The following SRGAP3 variants were observed in gnomAD, a reference collection of about 807,000 sequenced individuals.
SRGAP3 encodes the protein SLIT-ROBO Rho GTPase-activating protein 3.
In SRGAP3, 39 loss-of-function variants were observed where a neutral mutation model predicts 121.1. The ratio of observed to expected loss-of-function variants is 0.32; its 90% CI spans 0.25 to 0.42. The LOEUF (loss-of-function observed/expected upper bound fraction) is 0.42, where lower values mean the gene tolerates loss of function less well. Among genes scored for constraint, SRGAP3 ranks in the 10% least tolerant of loss-of-function variants. The pLI is 1.00. For missense variants in SRGAP3, 1,213 were observed against 1,470.6 expected, an observed-to-expected ratio of 0.82 and a Z score of 2.86; for synonymous variants, 601 against 570.0, an observed-to-expected ratio of 1.05 and a Z score of -0.77.
In SRGAP3 at chr3:9,124,852, G is replaced by C. The variant is rs751944196; in HGVS notation, c.133C>G (p.Leu45Val). The change falls in exon 2 of 22, where the codon CTG becomes GTG. Residue 45 changes from leucine to valine, a missense_variant. By Grantham distance (32) the Leu-to-Val change is conservative. Transcript: ENST00000383836. Reference protein sequence around the residue: ...LEQQSESRLQLLQDLQEFFRR... With the variant: ...LEQQSESRLQVLQDLQEFFRR... ...AAAAACTCCTGGAGGTCTTGAAGCA[G>C]CTGCAGTCGCGACTCTGATTGCTGC... The C allele has an allele frequency of 6.2e-7, 1 of 1,614,246 alleles. No individual in the cohort carries two copies. The highest frequency in any genetic ancestry group is 1.7e-5 in the Admixed American group (1 of 60,032).
chr3:9,053,017 T>G lies in SRGAP3; in HGVS notation c.1323+10A>C. On this transcript the variant is annotated intron_variant, in intron 9 of 21. Coordinates refer to ENST00000383836, the MANE Select transcript of SRGAP3 (RefSeq NM_014850.4). ...CGACAGTGTGGTTCTGGGCCCAGGA[T>G]GCCACTTACTGTAAAATAAAACATT... 1 of 1,613,452 alleles carries G rather than the reference T, an allele frequency of 6.2e-7. No individual in the cohort carries two copies. The highest frequency in any genetic ancestry group is 8.5e-7 in the Non-Finnish European group (1 of 1,180,036).
At chr3:9,068,645 T>C (rs1946540031) in intron 4 of SRGAP3, among the ~76,000 whole-genome samples, 1 of 152,236 alleles carries the variant, frequency 6.6e-6, no homozygotes, top group Non-Finnish European at 1.5e-5. Context: ...ATCCTCTAGA[T>C]GTTTCTTTTA....
At chr3:9,281,641 C>T (rs950030169) in intron 3 of SRGAP3, among the ~76,000 whole-genome samples, 1 of 152,116 alleles carries the variant, frequency 6.6e-6, no homozygotes, top group Non-Finnish European at 1.5e-5. Context: ...AATTAGCGCA[C>T]AATACGCGCC....
chr3:9,060,615 T>G (rs1269907939), intron 5 of SRGAP3, among the ~76,000 whole-genome samples: 2 of 152,028 alleles, frequency 1.3e-5, no homozygotes, highest in African/African-American at 4.8e-5. Context: ...TTTTTCAAGT[T>G]TTTTAGAGAT....
At chr3:9,257,542 C>T (rs1954157374) in intron 3 of SRGAP3, 2 of 151,908 alleles carry the variant, frequency 1.3e-5, no homozygotes, top group African/African-American at 4.8e-5. Context: ...CCTAAGCTAA[C>T]ACATTCAGGT....
At chr3:9,052,483 A>C (rs1279997557) in intron 9 of SRGAP3, among the ~76,000 whole-genome samples, 1 of 152,112 alleles carries the variant, frequency 6.6e-6, no homozygotes, top group Non-Finnish European at 1.5e-5. Context: ...TTACAAACCT[A>C]ATATTCTATG....
chr3:9,156,425 C>T (rs563488211), intron 1 of SRGAP3, among the ~76,000 whole-genome samples: 1 of 152,298 alleles, frequency 6.6e-6, no homozygotes, highest in Admixed American at 6.5e-5. Context: ...GGCTTAAATC[C>T]CATGGTGATA....
intron 1 of SRGAP3, among the ~76,000 whole-genome samples, chr3:9,221,235 C>A (rs1481735937): frequency 6.6e-6 from 1 of 152,200 alleles, no homozygotes; most frequent in African/African-American, 2.4e-5. Flanking sequence ...TTTCCCACTG[C>A]TTTCTAAAGT....
chr3:8,997,404 C>T (rs146364930), intron 18 of SRGAP3, among the ~76,000 whole-genome samples: 84 of 152,300 alleles, frequency 5.5e-4, no homozygotes, highest in Non-Finnish European at 8.7e-4. Flanking sequence ...TAGGTAGAGC[C>T]GCTTCTCCCC....
chr3:9,022,773 C>A (rs530893084), intron 14 of SRGAP3, among the ~76,000 whole-genome samples: 3 of 151,966 alleles, frequency 2.0e-5, no homozygotes, highest in Non-Finnish European at 4.4e-5. Context: ...ACCAGGCTGG[C>A]GAGAGAATGA....
At chr3:9,287,481 A>AT (rs1954795781) in intron 3 of SRGAP3, among the ~76,000 whole-genome samples, 1 of 152,158 alleles carries the variant, frequency 6.6e-6, no homozygotes, top group Admixed American at 6.5e-5. Flanking sequence ...ATTCACAGTG[A>AT]TTTTCCCTTA....
intron 3 of SRGAP3, among the ~76,000 whole-genome samples, chr3:9,323,372 C>T (rs538371076): frequency 6.6e-6 from 1 of 151,964 alleles, no homozygotes; most frequent in Non-Finnish European, 1.5e-5. Context: ...TTGGAAAATA[C>T]TGTGTTAAAG....
chr3:9,081,181 A>C (rs1419706567), intron 3 of SRGAP3: 3 of 454,650 alleles, frequency 6.6e-6, no homozygotes, highest in African/African-American at 4.0e-5. Flanking sequence ...CAGATGCCCT[A>C]ACCTTAGTTT....
intron 1 of SRGAP3, among the ~76,000 whole-genome samples, chr3:9,216,207 T>C (rs1319030936): frequency 6.6e-6 from 1 of 152,248 alleles, no homozygotes; most frequent in Non-Finnish European, 1.5e-5. Flanking sequence ...GTGCTTCATC[T>C]TCTTACTTCC....
chr3:9,061,524 C>G (rs1168702845), intron 5 of SRGAP3, among the ~76,000 whole-genome samples: 1 of 152,216 alleles, frequency 6.6e-6, no homozygotes, highest in Non-Finnish European at 1.5e-5. Flanking sequence ...CTGCCCACCC[C>G]TGCCCGGCTC....
intron 10 of SRGAP3, among the ~76,000 whole-genome samples, chr3:9,038,826 A>G (rs1944892353): frequency 1.3e-5 from 2 of 152,038 alleles, no homozygotes; most frequent in Admixed American, 1.3e-4. Flanking sequence ...TCTCGCTAGC[A>G]TCACCAATCT....
Position 9,352,786 on chromosome 3 carries a change from T to C in SRGAP3, n.214+10054A>G, listed in dbSNP as rs532582946. 9.2e-5 allele frequency among the ~76,000 whole-genome samples: 14 copies of C among 152,342 alleles called. 1 individual carries two copies. Among genetic ancestry groups the C allele is most frequent in the African/African-American group, 3.4e-4 (14 of 41,590 alleles). On this transcript the variant is annotated intron_variant and non_coding_transcript_variant, in intron 1 of 3. Coordinates refer to the SRGAP3 transcript ENST00000490889. ...GTGACTTTAGGCCAGTTAGTTAGCC[T>C]CAATTTCATCACCTGTATAACACGG...
In SRGAP3 at chr3:9,292,359, C is replaced by T. The variant is rs1463530843; in HGVS notation, n.442+33651G>A. On this transcript the variant is annotated intron_variant and non_coding_transcript_variant, in intron 3 of 3. Transcript: ENST00000490889. ...TTGAGAACCACTGCATAGATCAATCCTATACATCGTTCAAAACCCTGCTTG... is the reference window on the plus strand; with the variant it reads ...TTGAGAACCACTGCATAGATCAATCTTATACATCGTTCAAAACCCTGCTTG... Among the ~76,000 whole-genome samples, 5 of 152,214 alleles carry T rather than the reference C, an allele frequency of 3.3e-5. 1 individual carries two copies. Among genetic ancestry groups the T allele is most frequent in the African/African-American group, 1.2e-4 (5 of 41,554 alleles).
intron 3 of SRGAP3, among the ~76,000 whole-genome samples, chr3:9,301,561 TG>T (rs1392657819): frequency 6.6e-6 from 1 of 152,230 alleles, no homozygotes; most frequent in Non-Finnish European, 1.5e-5. Flanking sequence ...CCATGGTTTC[TG>T]TAAGGGGTGG....
Sources: gnomAD v4.1 joint callset for allele counts (sites outside exome capture counted in the v4.1 genomes callset) on GRCh38, gnomAD v4.1.1 for gene constraint, MANE v1.5 for transcripts, NCBI Gene and HGNC (gene_info 2026-07-23, HGNC 2026-07-21) for gene names.